The following METTL21C variants were observed in gnomAD, a reference collection of about 807,000 sequenced individuals.
The protein encoded by METTL21C is methyltransferase 21C, AARS1 lysine.
A neutral mutation model predicts 25.9 loss-of-function variants in METTL21C; 21 were observed. The observed-to-expected ratio is 0.81, with a 90% CI of 0.58 to 1.17. METTL21C has a LOEUF of 1.17. Among genes scored for constraint, METTL21C ranks in the 50% most tolerant of loss-of-function variants. The pLI is 0.00. For synonymous variants in METTL21C, 125 were observed against 124.7 expected, an observed-to-expected ratio of 1.00 and a Z score of -0.01; for missense variants, 312 against 315.1, an observed-to-expected ratio of 0.99 and a Z score of 0.07.
intron 1 of METTL21C, 22 bp downstream of exon 1, chr13:102,694,347 A>G (rs1201606469): frequency 6.3e-7 from 1 of 1,597,134 alleles, no homozygotes; most frequent in East Asian, 2.3e-5. Flanking sequence ...AAAACTGTTG[A>G]AGTGATGAAG....
intron 3 of METTL21C, among the ~76,000 whole-genome samples, chr13:102,686,691 A>G (rs1225568616): frequency 6.6e-6 from 1 of 152,156 alleles, no homozygotes. Context: ...TTGACAACAG[A>G]GATTCAGAGT....
At chr13:102,693,448 C>T (rs1397269192) in intron 1 of METTL21C, among the ~76,000 whole-genome samples, 2 of 152,212 alleles carry the variant, frequency 1.3e-5, no homozygotes, top group Admixed American at 6.5e-5. Flanking sequence ...TGCCCTGCCC[C>T]ACTCTCATCC....
chr13:102,702,210 G>T, the METTL21C span, among the ~76,000 whole-genome samples: 12,437 of 146,354 alleles, frequency 0.085, 1,516 homozygotes, highest in African/African-American at 0.28. Flanking sequence ...TATATATGTA[G>T]AGAGAGAGAG....
Position 102,687,070 on chromosome 13 carries a change from T to C in METTL21C, c.283-13A>G, listed in dbSNP as rs1885694725. The stretch of plus-strand genomic sequence containing the variant: ...ACAAAGCCATAGCCTAAAAAATAAT[T>C]ATAACTTTTCATGTGGGCATTGGAA... On this transcript the variant is annotated splice_polypyrimidine_tract_variant and intron_variant, in intron 2 of 3. Coordinates refer to ENST00000267273, the MANE Select transcript of METTL21C (RefSeq NM_001010977.3). 1 of 1,601,400 alleles carries C rather than the reference T, an allele frequency of 6.2e-7. No homozygotes were observed. Among genetic ancestry groups the C allele is most frequent in the Admixed American group, 1.7e-5 (1 of 59,906 alleles).
chr13:102,691,011 A>T, intron 1 of METTL21C, 47 bp from the exon 2 acceptor site: 1 of 1,598,984 alleles, frequency 6.3e-7, no homozygotes, highest in Non-Finnish European at 8.6e-7. Flanking sequence ...GTTCAAATCC[A>T]GTGCAAAGAC....
chr13:102,691,302 G>A (rs1364428874), intron 1 of METTL21C, among the ~76,000 whole-genome samples: 3 of 151,920 alleles, frequency 2.0e-5, no homozygotes, highest in South Asian at 4.2e-4. Flanking sequence ...AAAATTGCAC[G>A]AATGAGCTGT....
In METTL21C at chr13:102,694,470, T is replaced by G. The variant is rs751804273; in HGVS notation, c.29A>C (p.Gln10Pro). 6.2e-7 allele frequency: 1 copy of G among 1,605,470 alleles called. No individual in the cohort carries two copies. The highest frequency in any genetic ancestry group is 2.2e-5 in the East Asian group (1 of 44,620). Reference sequence around the variant, plus strand: ...GAGTCCTTCCCCCCGGCGCCCAGGCTGCTGCGCGGAGCTCAGACACACGTC... The same window carrying G: ...GAGTCCTTCCCCCCGGCGCCCAGGCGGCTGCGCGGAGCTCAGACACACGTC... MDVCLSSAQ[Q>P]PGRRGEGLSS... The change falls in exon 1 of 4, where the codon CAG becomes CCG. Residue 10 changes from glutamine to proline, a missense_variant. Coordinates refer to ENST00000267273, the MANE Select transcript of METTL21C (RefSeq NM_001010977.3).
intron 1 of METTL21C, among the ~76,000 whole-genome samples, chr13:102,691,221 G>A (rs1001955342): frequency 6.6e-6 from 1 of 152,176 alleles, no homozygotes; most frequent in Admixed American, 6.5e-5. Context: ...TTTATTTAGG[G>A]GAGGACAGAA....
intron 1 of METTL21C, among the ~76,000 whole-genome samples, chr13:102,691,969 A>C (rs1459835554): frequency 6.6e-6 from 1 of 152,188 alleles, no homozygotes; most frequent in Non-Finnish European, 1.5e-5. Context: ...AGTGAGTCAA[A>C]GTGTGTGGAA....
chr13:102,694,414 TCTC>T lies in METTL21C; in HGVS notation c.82_84del (p.Glu28del), dbSNP rs772667387. ...CTGTCTTTCTGCGGAGCCCCCTTCT[TCTC>T]AGCCTCTAACCAGCCACCCGGGGAG... On this transcript the variant is annotated inframe_deletion, in exon 1 of 4. Transcript: ENST00000267273. The T allele has an allele frequency of 6.8e-7, 1 of 1,478,628 alleles. No individual in the cohort carries two copies. The allele number at this position is 1,478,628 out of a possible 1,614,324, so 91.6% of individuals were successfully genotyped here. A position where few individuals can be genotyped will look rare whatever the true frequency, so the allele number is the denominator to read the frequency against.
rs777146239 is a variant in METTL21C at position 102,690,805 on chromosome 13, TCTCTCACCCCTGGCCACAC to T, written c.271_282+7del. 6.2e-7 allele frequency: 1 copy of T among 1,612,558 alleles called. No individual in the cohort carries two copies. Among genetic ancestry groups the T allele is most frequent in the Non-Finnish European group, 8.5e-7 (1 of 1,179,582 alleles). Reference sequence around the variant, plus strand: ...ATCCTGACATCACAAATATGACAGTTCTCTCACCCCTGGCCACACCACCGCTCCGTAACTCTCTATGGAT... The same window carrying T: ...ATCCTGACATCACAAATATGACAGTTCACCGCTCCGTAACTCTCTATGGAT... On this transcript the variant is annotated splice_donor_variant and splice_donor_5th_base_variant and coding_sequence_variant and intron_variant, in exon 2 of 4. Coordinates refer to ENST00000267273, the MANE Select transcript of METTL21C (RefSeq NM_001010977.3). LOFTEE classifies it high-confidence loss of function.
chr13:102,698,846 A>G (rs1837383858), upstream of METTL21C, among the ~76,000 whole-genome samples: 1 of 152,146 alleles, frequency 6.6e-6, no homozygotes, highest in Admixed American at 6.5e-5. Context: ...TGGTCCTATA[A>G]CACATCGGCC....
the METTL21C span, among the ~76,000 whole-genome samples, chr13:102,701,821 A>C: frequency 6.6e-6 from 1 of 152,182 alleles, no homozygotes; most frequent in Non-Finnish European, 1.5e-5. Context: ...TATATAAAAA[A>C]GTTTGGTACA....
the METTL21C span, among the ~76,000 whole-genome samples, chr13:102,700,860 C>G: frequency 6.6e-6 from 1 of 151,954 alleles, no homozygotes; most frequent in African/African-American, 2.4e-5. Flanking sequence ...TGACACCCTA[C>G]GACTCCCAGC....
intron 2 of METTL21C, among the ~76,000 whole-genome samples, chr13:102,690,283 T>TG (rs763350053): frequency 1.4e-4 from 21 of 152,150 alleles, no homozygotes; most frequent in Non-Finnish European, 2.9e-4. Context: ...TAGCCAGGCA[T>TG]GGTGGCGCGC....
chr13:102,686,466 A>C (rs761068779), intron 3 of METTL21C, 41 bp from the exon 4 acceptor site: 11 of 1,573,436 alleles, frequency 7.0e-6, no homozygotes, highest in South Asian at 2.4e-5. Context: ...ACATCTGGGC[A>C]GTCACAGTGT....
chr13:102,701,819 A>G, the METTL21C span, among the ~76,000 whole-genome samples: 1 of 152,192 alleles, frequency 6.6e-6, no homozygotes, highest in Admixed American at 6.5e-5. Flanking sequence ...GATATATAAA[A>G]AAGTTTGGTA....
upstream of METTL21C, among the ~76,000 whole-genome samples, chr13:102,698,849 C>T (rs933095972): frequency 8.5e-5 from 13 of 152,346 alleles, no homozygotes; most frequent in Middle Eastern, 6.8e-3. Flanking sequence ...TCCTATAACA[C>T]ATCGGCCTTG....
chr13:102,686,170 A>G lies in METTL21C; in HGVS notation c.656T>C (p.Leu219Pro), dbSNP rs1478227724. The part of the protein sequence containing the change: ...MVYLSQPGTV[L>P]LWANKFRFST... Reference sequence around the variant, plus strand: ...GAACCTGAATTTGTTTGCCCAAAGCAGCACCGTCCCTGGCTGGGAAAGGTA... The same window carrying G: ...GAACCTGAATTTGTTTGCCCAAAGCGGCACCGTCCCTGGCTGGGAAAGGTA... Residue 219 changes from leucine (L) to proline (P), a missense_variant, in exon 4 of 4, where the codon CTG becomes CCG. Coordinates refer to ENST00000267273, the MANE Select transcript of METTL21C (RefSeq NM_001010977.3). 3 of 1,614,238 alleles carry G rather than the reference A, an allele frequency of 1.9e-6. No individual in the cohort carries two copies.
Sources: allele counts gnomAD v4.1 joint callset (sites outside exome capture counted in the v4.1 genomes callset), GRCh38; gene constraint gnomAD v4.1.1; transcripts MANE v1.5; gene names NCBI Gene and HGNC (gene_info 2026-07-23, HGNC 2026-07-21).